Variants in FBXL7 observed in about 807,000 individuals in gnomAD.
FBXL7 encodes F-box and leucine rich repeat protein 7.
Under a neutral mutation model 38.3 loss-of-function variants are expected in FBXL7, and 12 were observed. That is an observed-to-expected ratio of 0.31 (90% confidence interval 0.20 to 0.51). FBXL7 has a LOEUF of 0.51. Among genes scored for constraint, FBXL7 ranks in the 20% least tolerant of loss-of-function variants. FBXL7 has a pLI of 0.98. For synonymous variants in FBXL7, 297 were observed against 300.9 expected (o/e 0.99, Z 0.13); for missense variants, 567 against 676.4 (o/e 0.84, Z 1.79).
intron 2 of FBXL7, among the ~76,000 whole-genome samples, chr5:15,860,412 A>G (rs1486168623): frequency 1.3e-5 from 2 of 152,138 alleles, no homozygotes; most frequent in African/African-American, 2.4e-5. Flanking sequence ...TATTCTTTGT[A>G]TCTCTTGTCA....
chr5:15,593,629 G>A lies in FBXL7; in HGVS notation c.38-22354G>A, dbSNP rs1580391285. On this transcript the variant is annotated intron_variant, in intron 1 of 3. Transcript: ENST00000504595. ...TAGCACTTAATAGCTGATTTTCCTAGCTTTTATAAAAAGCTAAATAGTTTA... is the reference window on the plus strand; with the variant it reads ...TAGCACTTAATAGCTGATTTTCCTAACTTTTATAAAAAGCTAAATAGTTTA... Among the ~76,000 whole-genome samples the A allele has an allele frequency of 1.3e-5, 2 of 152,092 alleles. 1 individual carries two copies. The highest frequency in any genetic ancestry group is 4.8e-5 in the African/African-American group (2 of 41,408).
rs559753845 is a variant in FBXL7, at chr5:15,572,126, C to T, written c.38-43857C>T. ...TTTTTGACTTTGGGTATCAGAGCTC[C>T]TGGGTCTATCCAAAAGCCATGAACA... is the stretch of plus-strand genomic sequence containing the variant. On this transcript the variant is annotated intron_variant, in intron 1 of 3. Transcript: ENST00000504595. 3.3e-5 allele frequency among the ~76,000 whole-genome samples: 5 copies of T among 152,168 alleles called. No homozygotes were observed. The East Asian group carries it at 9.7e-4, about 29-fold the overall frequency.
chr5:15,687,937 A>G (rs1214271340), intron 2 of FBXL7, among the ~76,000 whole-genome samples: 2 of 152,148 alleles, frequency 1.3e-5, no homozygotes, highest in African/African-American at 2.4e-5. Flanking sequence ...CAGTCACATC[A>G]TGGTGGCCAT....
intron 2 of FBXL7, among the ~76,000 whole-genome samples, chr5:15,626,579 T>TA (rs547667653): frequency 9.9e-4 from 150 of 152,140 alleles, no homozygotes; most frequent in African/African-American, 3.5e-3. Flanking sequence ...TGTGTATGTG[T>TA]ACACCATGCA....
At chr5:15,507,840 C>T (rs1580343085) in intron 1 of FBXL7, among the ~76,000 whole-genome samples, 1 of 152,000 alleles carries the variant, frequency 6.6e-6, no homozygotes. Context: ...GTCAGGAGTT[C>T]GAGACCAGCA....
At chr5:15,602,990 C>A (rs1345943700) in intron 1 of FBXL7, among the ~76,000 whole-genome samples, 1 of 152,112 alleles carries the variant, frequency 6.6e-6, no homozygotes, top group Non-Finnish European at 1.5e-5. Flanking sequence ...CACACCGTCA[C>A]AACTGGCTAA....
At chr5:15,804,937 T>C (rs1737665161) in intron 2 of FBXL7, among the ~76,000 whole-genome samples, 1 of 152,102 alleles carries the variant, frequency 6.6e-6, no homozygotes, top group South Asian at 2.1e-4. Flanking sequence ...AACAGAAATA[T>C]GTTTTCTCAC....
chr5:15,865,103 A>G (rs1739647925), intron 2 of FBXL7, among the ~76,000 whole-genome samples: 1 of 152,196 alleles, frequency 6.6e-6, no homozygotes, highest in South Asian at 2.1e-4. Flanking sequence ...AGTGGTCATT[A>G]TAACTCAAAA....
intron 2 of FBXL7, among the ~76,000 whole-genome samples, chr5:15,897,302 G>A (rs1447046995): frequency 1.3e-5 from 2 of 152,092 alleles, no homozygotes; most frequent in East Asian, 1.9e-4. Context: ...TAAATCTAAC[G>A]CCTTTGTTCG....
At chr5:15,814,632 TA>T (rs559983315) in intron 2 of FBXL7, among the ~76,000 whole-genome samples, 29 of 152,226 alleles carry the variant, frequency 1.9e-4, no homozygotes, top group African/African-American at 6.5e-4. Context: ...TTTTGCATTG[TA>T]AAAAAATTTT....
At chr5:15,721,724 A>G (rs1458494067) in intron 2 of FBXL7, among the ~76,000 whole-genome samples, 1 of 151,810 alleles carries the variant, frequency 6.6e-6, no homozygotes, top group Admixed American at 6.6e-5. Context: ...TTTTCTTTTC[A>G]TATTGCCTCT....
At chr5:15,915,056 T>G (rs1209704386) in intron 2 of FBXL7, among the ~76,000 whole-genome samples, 1 of 152,198 alleles carries the variant, frequency 6.6e-6, no homozygotes, top group African/African-American at 2.4e-5. Context: ...AATTCATCAG[T>G]TAATCTGGAG....
chr5:15,666,633 A>T (rs1742288663), intron 2 of FBXL7, among the ~76,000 whole-genome samples: 1 of 152,142 alleles, frequency 6.6e-6, no homozygotes, highest in Non-Finnish European at 1.5e-5. Flanking sequence ...CAACTTTTCA[A>T]ATGTTATTTT....
chr5:15,626,926 G>A (rs1226657660), intron 2 of FBXL7, among the ~76,000 whole-genome samples: 1 of 152,100 alleles, frequency 6.6e-6, no homozygotes, highest in Non-Finnish European at 1.5e-5. Context: ...CATGTATTTA[G>A]TCTCTTATGG....
chr5:15,893,500 C>T (rs6870163), intron 2 of FBXL7, among the ~76,000 whole-genome samples: 80,833 of 151,930 alleles, frequency 0.53, 22,745 homozygotes, highest in Non-Finnish European at 0.63. Context: ...TGTTAATAAT[C>T]GCATACATGG....
intron 2 of FBXL7, among the ~76,000 whole-genome samples, chr5:15,804,848 T>C (rs955768212): frequency 6.6e-6 from 1 of 152,274 alleles, no homozygotes; most frequent in Middle Eastern, 3.4e-3. Context: ...CCCTGCACCC[T>C]TCCGCCAAAC....
At chr5:15,712,412 T>C in intron 2 of FBXL7, among the ~76,000 whole-genome samples, 1 of 150,692 alleles carries the variant, frequency 6.6e-6, no homozygotes, top group Non-Finnish European at 1.5e-5. Flanking sequence ...AAAAACCTGA[T>C]ACATGAAAAA....
At chr5:15,554,976 ATG>A (rs1179731903) in intron 1 of FBXL7, among the ~76,000 whole-genome samples, 1 of 152,238 alleles carries the variant, frequency 6.6e-6, no homozygotes, top group Non-Finnish European at 1.5e-5. Context: ...CTTGGTGAAA[ATG>A]AGTATTGTTT....
In FBXL7 at chr5:15,936,056, A is replaced by G. The variant is rs1446318911; in HGVS notation, c.740-394A>G. ...GAGCTCCTGGAACTTTCCAGGGCCAAGGCAAGATATTTACACACATCCTCT... is the reference window on the plus strand; with the variant it reads ...GAGCTCCTGGAACTTTCCAGGGCCAGGGCAAGATATTTACACACATCCTCT... On this transcript the variant is annotated intron_variant, in intron 3 of 3. Coordinates refer to ENST00000504595, the MANE Select transcript of FBXL7 (RefSeq NM_012304.5). The surrounding 1 kb of genome is among the most constrained non-coding windows in gnomAD (Gnocchi z 6.0). Among the ~76,000 whole-genome samples the G allele has an allele frequency of 6.6e-6, 1 of 152,204 alleles. No homozygotes were observed. Among genetic ancestry groups the G allele is most frequent in the East Asian group, 1.9e-4 (1 of 5,182 alleles).
Sources: allele counts gnomAD v4.1 joint callset (sites outside exome capture counted in the v4.1 genomes callset), GRCh38; gene constraint gnomAD v4.1.1; non-coding constraint Gnocchi (gnomAD v3.1); transcripts MANE v1.5; gene names NCBI Gene and HGNC (gene_info 2026-07-23, HGNC 2026-07-21).